Variants in SPON1 observed in about 807,000 individuals in gnomAD.
SPON1 encodes the protein spondin-1.
In SPON1, 52 loss-of-function variants were observed where a neutral mutation model predicts 111.7. The observed-to-expected ratio is 0.47, with a 90% CI of 0.37 to 0.59. SPON1 has a LOEUF of 0.59. Ranked by LOEUF, SPON1 falls within the 20% of genes least tolerant of loss-of-function variation. The probability of loss-of-function intolerance (pLI) is 0.00; values close to 1 mark genes in which losing one functional copy is unlikely to be tolerated. For missense variants in SPON1, 957 were observed against 1,068.5 expected (o/e 0.90, Z 1.46); for synonymous variants, 410 against 395.8 (o/e 1.04, Z -0.43).
chr11:14,084,023 A>C (rs1046988713), intron 5 of SPON1, among the ~76,000 whole-genome samples: 13 of 152,168 alleles, frequency 8.5e-5, no homozygotes, highest in Non-Finnish European at 1.5e-4. Flanking sequence ...TATATAGCAG[A>C]AGTGCTTCTG....
rs1848648808 is a variant in SPON1 at position 14,043,781 on chromosome 11, T to G, written c.479+2127T>G. On this transcript the variant is annotated intron_variant, in intron 3 of 15. Transcript: ENST00000576479. ...TTTTGGTGGAAGCCAGAAAGGCATC[T>G]CTTGTTTACCCATTAACAATCAACG... Among the ~76,000 whole-genome samples the G allele has an allele frequency of 2.0e-5, 3 of 152,274 alleles. No individual in the cohort carries two copies. The South Asian group carries it at 6.2e-4, about 32-fold the overall frequency.
chr11:14,033,251 C>A (rs1043017311), intron 2 of SPON1, among the ~76,000 whole-genome samples: 1 of 152,204 alleles, frequency 6.6e-6, no homozygotes, highest in Non-Finnish European at 1.5e-5. Flanking sequence ...CTAGTCCTGA[C>A]CTCTGTGTCT....
intron 5 of SPON1, among the ~76,000 whole-genome samples, chr11:14,126,078 T>G (rs1435074450): frequency 2.0e-5 from 3 of 152,210 alleles, no homozygotes; most frequent in Non-Finnish European, 2.9e-5. Flanking sequence ...AGTCTGCCTT[T>G]TATGTTCTAT....
intron 8 of SPON1, 42 bp from the exon 9 acceptor site, chr11:14,255,605 A>G (rs2133924452): frequency 6.3e-7 from 1 of 1,593,528 alleles, no homozygotes; most frequent in African/African-American, 1.3e-5. Flanking sequence ...GGGTTTTCCC[A>G]ATTTTATTTC....
At chr11:14,230,796 G>A (rs942760814) in intron 6 of SPON1, among the ~76,000 whole-genome samples, 3 of 139,876 alleles carry the variant, frequency 2.1e-5, no homozygotes, top group African/African-American at 5.6e-5. Flanking sequence ...TCATTTTTTC[G>A]TGGTGGTGGT....
At chr11:14,263,032 G>A in intron 15 of SPON1, 57 bp downstream of exon 15, 4 of 1,533,058 alleles carry the variant, frequency 2.6e-6, no homozygotes, top group South Asian at 2.3e-5. Context: ...GTTCTGCACT[G>A]GGCTAAGTCT....
intron 5 of SPON1, among the ~76,000 whole-genome samples, chr11:14,100,839 T>C (rs782191999): frequency 6.6e-6 from 1 of 152,248 alleles, no homozygotes; most frequent in Non-Finnish European, 1.5e-5. Context: ...TTTTTTATTA[T>C]GCTCTCACAT....
chr11:14,176,439 C>T (rs1848175886), intron 6 of SPON1, among the ~76,000 whole-genome samples: 1 of 152,180 alleles, frequency 6.6e-6, no homozygotes, highest in South Asian at 2.1e-4. Context: ...GCCGAACAGA[C>T]ACCCTGCAAT....
intron 2 of SPON1, among the ~76,000 whole-genome samples, chr11:14,017,728 G>A (rs1848453530): frequency 6.6e-6 from 1 of 152,182 alleles, no homozygotes; most frequent in South Asian, 2.1e-4. Flanking sequence ...TGCAAAATTG[G>A]ACGCTTGAAT....
intron 1 of SPON1, among the ~76,000 whole-genome samples, chr11:13,980,164 G>T (rs142334975): frequency 4.6e-5 from 7 of 151,572 alleles, no homozygotes; most frequent in Non-Finnish European, 8.8e-5. Context: ...CCTCAGCCTC[G>T]TGAGTAGCTG....
At chr11:14,143,667 A>G (rs530167978) in intron 6 of SPON1, among the ~76,000 whole-genome samples, 1 of 146,122 alleles carries the variant, frequency 6.8e-6, no homozygotes, top group South Asian at 2.3e-4. Flanking sequence ...CCCTAGCCAA[A>G]GGACAGGAGC....
chr11:14,114,885 C>T (rs782788709), intron 5 of SPON1, among the ~76,000 whole-genome samples: 7 of 152,150 alleles, frequency 4.6e-5, no homozygotes, highest in Non-Finnish European at 8.8e-5. Flanking sequence ...AGAGCACAAA[C>T]GTGACAGTGA....
chr11:13,999,865 C>G (rs1474885084), intron 2 of SPON1, among the ~76,000 whole-genome samples: 1 of 152,140 alleles, frequency 6.6e-6, no homozygotes, highest in Non-Finnish European at 1.5e-5. Flanking sequence ...CAGCTGGTAC[C>G]TTATGTCCTA....
chr11:14,170,318 A>G (rs1554932302), intron 6 of SPON1, among the ~76,000 whole-genome samples: 1 of 152,116 alleles, frequency 6.6e-6, no homozygotes, highest in African/African-American at 2.4e-5. Context: ...GTGTATAAGA[A>G]TGCTTGTGAT....
chr11:14,025,600 G>A (rs559052058), intron 2 of SPON1, among the ~76,000 whole-genome samples: 2 of 152,282 alleles, frequency 1.3e-5, no homozygotes, highest in African/African-American at 4.8e-5. Flanking sequence ...AACCTTCCAG[G>A]TGGTTCTTAT....
intron 5 of SPON1, among the ~76,000 whole-genome samples, chr11:14,126,422 G>A (rs1181111609): frequency 1.3e-5 from 2 of 152,196 alleles, no homozygotes; most frequent in African/African-American, 2.4e-5. Flanking sequence ...AAGGATGTTA[G>A]GAAAGAGGTT....
chr11:14,036,949 G>A (rs1848598959), intron 2 of SPON1, among the ~76,000 whole-genome samples: 1 of 152,102 alleles, frequency 6.6e-6, no homozygotes. Context: ...GTAGTGCAAT[G>A]TGGCCTGAAA....
At chr11:14,233,764 T>C (rs546313193) in intron 6 of SPON1, among the ~76,000 whole-genome samples, 24 of 142,632 alleles carry the variant, frequency 1.7e-4, no homozygotes, top group South Asian at 2.3e-4. Context: ...TTTTCTTTTT[T>C]TTTTTTTTTT....
intron 6 of SPON1, among the ~76,000 whole-genome samples, chr11:14,195,504 A>G (rs1167388712): frequency 3.3e-5 from 5 of 152,222 alleles, no homozygotes; most frequent in African/African-American, 1.2e-4. Flanking sequence ...GAATTCTTAC[A>G]GTGCCGGTCA....
Sources: gnomAD v4.1 joint callset for allele counts (sites outside exome capture counted in the v4.1 genomes callset) on GRCh38, gnomAD v4.1.1 for gene constraint, MANE v1.5 for transcripts, NCBI Gene and HGNC (gene_info 2026-07-23, HGNC 2026-07-21) for gene names.